The following CFAP58 variants were observed in gnomAD, a reference collection of about 807,000 sequenced individuals.
CFAP58 encodes cilia- and flagella-associated protein 58.
In CFAP58, 88 loss-of-function variants were observed where a neutral mutation model predicts 119.5. That is an observed-to-expected ratio of 0.74 (90% CI 0.62 to 0.88). CFAP58 has a LOEUF of 0.88. CFAP58 is among the 40% of genes least tolerant of loss of function. The pLI, the probability that CFAP58 is intolerant of heterozygous loss-of-function variation, is 0.00. For synonymous variants in CFAP58, 365 were observed against 366.3 expected, an observed-to-expected ratio of 1.00 and a Z score of 0.04; for missense variants, 990 against 1,021.2, an observed-to-expected ratio of 0.97 and a Z score of 0.42.
At chr10:104,408,638 A>G (rs1191347006) in intron 15 of CFAP58, among the ~76,000 whole-genome samples, 12 of 152,184 alleles carry the variant, frequency 7.9e-5, no homozygotes, top group Non-Finnish European at 1.6e-4. Context: ...CATCTGTATT[A>G]TAAGTTTGTT....
intron 15 of CFAP58, among the ~76,000 whole-genome samples, chr10:104,425,460 A>G (rs577987197): frequency 6.6e-6 from 1 of 152,310 alleles, no homozygotes; most frequent in South Asian, 2.1e-4. Flanking sequence ...CCAGGAGACA[A>G]CTATGCACTC....
In CFAP58 at chr10:104,370,904, G is replaced by A. The variant is rs1299996696; in HGVS notation, c.940G>A (p.Glu314Lys). 6.2e-7 allele frequency: 1 copy of A among 1,612,032 alleles called. No homozygotes were observed. The highest frequency in any genetic ancestry group is 8.5e-7 in the Non-Finnish European group (1 of 1,179,474). Reference sequence around the variant, plus strand: ...TTCTCACTAATTACAGGCCAAAGAGGAAGAAGTCCATCAAATGCGCCTTGA... The same window carrying A: ...TTCTCACTAATTACAGGCCAAAGAGAAAGAAGTCCATCAAATGCGCCTTGA... ...QKALELKAKE[E>K]EVHQMRLDIG... is the part of the protein sequence containing the mutation. The change falls in exon 7 of 18, where the codon GAA becomes AAA. Residue 314 changes from glutamate to lysine, a missense_variant. Physicochemically the swap from Glu to Lys is moderately conservative, Grantham distance 56. Coordinates refer to ENST00000369704, the MANE Select transcript of CFAP58 (RefSeq NM_001008723.2).
Position 104,406,708 on chromosome 10 carries a change from A to G in CFAP58, c.2171A>G (p.Tyr724Cys). ...GGACAGGCCAGCGACCCCAATGCATATGAGCTGATACAGAAAATTCACACC... is the reference window on the plus strand; with the variant it reads ...GGACAGGCCAGCGACCCCAATGCATGTGAGCTGATACAGAAAATTCACACC... ...RKLEASDPNA[Y>C]ELIQKIHTLQ... The change falls in exon 15 of 18, where the codon TAT (tyrosine) becomes TGT (cysteine). Residue 724 changes from tyrosine to cysteine, a missense_variant. Transcript: ENST00000369704. The G allele has an allele frequency of 6.2e-7, 1 of 1,614,218 alleles. No individual in the cohort carries two copies.
the CFAP58 span, among the ~76,000 whole-genome samples, chr10:104,345,990 A>G: frequency 6.6e-6 from 1 of 151,946 alleles, no homozygotes; most frequent in Admixed American, 6.5e-5. Flanking sequence ...TATAAAAGAG[A>G]GAGGTTTGTT....
intron 9 of CFAP58, among the ~76,000 whole-genome samples, chr10:104,383,753 A>AAC (rs59181888): frequency 0.3 from 44,384 of 145,774 alleles, 6,591 homozygotes; most frequent in African/African-American, 0.38. Context: ...TTTACTGTCC[A>AAC]ACACACACAC....
upstream of CFAP58, among the ~76,000 whole-genome samples, chr10:104,350,569 T>C (rs893387429): frequency 1.3e-5 from 2 of 152,228 alleles, no homozygotes; most frequent in Non-Finnish European, 2.9e-5. Context: ...TTCTACCTCC[T>C]TGTGGTTCTT....
intron 15 of CFAP58, among the ~76,000 whole-genome samples, chr10:104,423,144 G>T (rs1218515579): frequency 1.3e-5 from 2 of 152,078 alleles, no homozygotes; most frequent in Non-Finnish European, 2.9e-5. Context: ...ATGGTTTGCT[G>T]TAGGACATAG....
intron 3 of CFAP58, among the ~76,000 whole-genome samples, chr10:104,363,015 C>A (rs11815479): frequency 6.6e-6 from 1 of 152,174 alleles, no homozygotes; most frequent in Non-Finnish European, 1.5e-5. Context: ...CCATGGTCAA[C>A]TTTTATGCCT....
chr10:104,370,301 T>C (rs1446124521), intron 6 of CFAP58, among the ~76,000 whole-genome samples: 1 of 152,212 alleles, frequency 6.6e-6, no homozygotes, highest in African/African-American at 2.4e-5. Flanking sequence ...TTCACGCTGC[T>C]GATAAAGACA....
At chr10:104,384,295 T>C (rs1285345304) in intron 9 of CFAP58, among the ~76,000 whole-genome samples, 1 of 152,084 alleles carries the variant, frequency 6.6e-6, no homozygotes, top group Non-Finnish European at 1.5e-5. Context: ...AATTGGGAGG[T>C]GGACTGGGAC....
At chr10:104,406,016 A>AT (rs1425913664) in intron 14 of CFAP58, among the ~76,000 whole-genome samples, 1 of 152,136 alleles carries the variant, frequency 6.6e-6, no homozygotes, top group Non-Finnish European at 1.5e-5. Flanking sequence ...GGATTGCTCG[A>AT]TCCCCCAGAG....
chr10:104,432,512 T>C (rs1037157451), intron 15 of CFAP58, among the ~76,000 whole-genome samples: 1 of 152,140 alleles, frequency 6.6e-6, no homozygotes, highest in African/African-American at 2.4e-5. Flanking sequence ...AGGCACTTTT[T>C]TTTTTTTTTG....
At chr10:104,391,328 C>T (rs1173628066) in intron 9 of CFAP58, among the ~76,000 whole-genome samples, 1 of 152,144 alleles carries the variant, frequency 6.6e-6, no homozygotes, top group Non-Finnish European at 1.5e-5. Context: ...TTCCTCCATG[C>T]TCTGTCACAT....
rs145512294 is a variant in CFAP58, at chr10:104,425,603, T to C, written c.2256+18810T>C. Among the ~76,000 whole-genome samples the C allele has an allele frequency of 1.4e-3, 216 of 152,338 alleles. 1 individual carries two copies. The highest frequency in any genetic ancestry group is 1.0e-2 in the South Asian group (48 of 4,820). On this transcript the variant is annotated intron_variant, in intron 15 of 17. Transcript: ENST00000369704. ...GAATTTTTAAGTATTAGACCAGTTT[T>C]ACAAATGAGGAAGCTGATGCTCAGA...
rs1354751688 is a variant in CFAP58 at position 104,402,293 on chromosome 10, C to T, written c.2039+1390C>T. Among the ~76,000 whole-genome samples the T allele has an allele frequency of 7.9e-5, 12 of 152,336 alleles. No individual in the cohort carries two copies. The South Asian group carries it at 1.9e-3, about 24-fold the overall frequency. On this transcript the variant is annotated intron_variant, in intron 13 of 17. Coordinates refer to ENST00000369704, the MANE Select transcript of CFAP58 (RefSeq NM_001008723.2). The stretch of plus-strand genomic sequence containing the variant: ...TAGCTAATATTTCTGCCCTCCCCTT[C>T]TGATGACATTCTAGAAAATTGAAGT...
chr10:104,370,596 A>G (rs2014809330), intron 6 of CFAP58, among the ~76,000 whole-genome samples: 1 of 152,234 alleles, frequency 6.6e-6, no homozygotes, highest in South Asian at 2.1e-4. Context: ...TGGGAATTCA[A>G]GGTGAGATTT....
Position 104,454,536 on chromosome 10 carries a change from A to G in CFAP58, c.*6A>G. The G allele has an allele frequency of 6.2e-7, 1 of 1,601,952 alleles. No individual in the cohort carries two copies. On this transcript the variant is annotated 3_prime_UTR_variant, in exon 18 of 18. Transcript: ENST00000369704. ...CAACCAAAATGACGTTCTAACCTGAAGCTGCTGGCTGTTTCCAGTTGAACA... is the reference window on the plus strand; with the variant it reads ...CAACCAAAATGACGTTCTAACCTGAGGCTGCTGGCTGTTTCCAGTTGAACA...
chr10:104,430,947 C>G (rs191851451), intron 15 of CFAP58, among the ~76,000 whole-genome samples: 233 of 152,258 alleles, frequency 1.5e-3, no homozygotes, highest in Admixed American at 2.8e-3. Flanking sequence ...ACATTTAAAG[C>G]AAATATCAAT....
intron 6 of CFAP58, among the ~76,000 whole-genome samples, chr10:104,370,694 A>G (rs1313090304): frequency 3.3e-5 from 5 of 152,218 alleles, no homozygotes; most frequent in Non-Finnish European, 7.3e-5. Flanking sequence ...TAAAAATATA[A>G]AACATAACCA....
Sources: allele counts gnomAD v4.1 joint callset (sites outside exome capture counted in the v4.1 genomes callset), GRCh38; gene constraint gnomAD v4.1.1; transcripts MANE v1.5; gene names NCBI Gene and HGNC (gene_info 2026-07-23, HGNC 2026-07-21).